NCAM2: variants seen among roughly 807,000 people sequenced by gnomAD.
NCAM2 encodes the protein neural cell adhesion molecule 2, also known as N-CAM-2.
In NCAM2, 30 loss-of-function variants were observed where a neutral mutation model predicts 98.1. That is an observed-to-expected ratio of 0.31 (90% CI 0.23 to 0.41). The LOEUF (loss-of-function observed/expected upper bound fraction) is 0.41, where lower values mean the gene tolerates loss of function less well. NCAM2 is among the 10% of genes least tolerant of loss of function. NCAM2 has a pLI of 1.00. For missense variants in NCAM2, 867 were observed against 1,005.8 expected (o/e 0.86, Z 1.87); for synonymous variants, 368 against 342.4 (o/e 1.07, Z -0.83).
At chr21:21,135,650 C>G (rs1601463960) in intron 1 of NCAM2, among the ~76,000 whole-genome samples, 1 of 152,148 alleles carries the variant, frequency 6.6e-6, no homozygotes, top group East Asian at 1.9e-4. Flanking sequence ...AATGCTTGTA[C>G]TCTCACTATC....
chr21:21,217,550 G>A (rs577477758), intron 1 of NCAM2, among the ~76,000 whole-genome samples: 1 of 152,228 alleles, frequency 6.6e-6, no homozygotes, highest in East Asian at 1.9e-4. Context: ...TTCTGAAAGT[G>A]GTTTCTCAAG....
intron 1 of NCAM2, among the ~76,000 whole-genome samples, chr21:21,179,862 A>G (rs2068413173): frequency 6.6e-6 from 1 of 152,224 alleles, no homozygotes; most frequent in South Asian, 2.1e-4. Context: ...TCAGTTTTCT[A>G]TTGATGTGTA....
chr21:21,320,102 T>C (rs1231480127), intron 5 of NCAM2, among the ~76,000 whole-genome samples: 3 of 152,212 alleles, frequency 2.0e-5, no homozygotes, highest in African/African-American at 4.8e-5. Flanking sequence ...CAGTACCTTA[T>C]GGCAGTTAGG....
At chr21:21,463,955 G>C (rs908377703) in intron 12 of NCAM2, 3 of 151,816 alleles carry the variant, frequency 2.0e-5, no homozygotes, top group Non-Finnish European at 4.4e-5. Flanking sequence ...TGGTACTTTG[G>C]TAGCTCTGCT....
intron 6 of NCAM2, among the ~76,000 whole-genome samples, chr21:21,329,266 A>T (rs1268195199): frequency 1.3e-5 from 2 of 151,986 alleles, no homozygotes; most frequent in Non-Finnish European, 2.9e-5. Flanking sequence ...TTTATACCAT[A>T]TTTTTTACTG....
chr21:21,389,365 C>T (rs2076333722), intron 9 of NCAM2, among the ~76,000 whole-genome samples: 1 of 152,218 alleles, frequency 6.6e-6, no homozygotes, highest in South Asian at 2.1e-4. Flanking sequence ...AATCCCCTTC[C>T]ATGACACATG....
intron 5 of NCAM2, among the ~76,000 whole-genome samples, chr21:21,311,445 A>G (rs1003418494): frequency 6.9e-6 from 1 of 145,000 alleles, no homozygotes; most frequent in Admixed American, 7.3e-5. Flanking sequence ...GGTTCACGCC[A>G]TTCTCCTTCC....
At chr21:21,477,236 A>G (rs1352105177) in intron 14 of NCAM2, 55 bp from the exon 15 acceptor site, 2 of 1,346,908 alleles carry the variant, frequency 1.5e-6, no homozygotes, top group East Asian at 2.4e-5. Flanking sequence ...TTTTTTAAAA[A>G]GGTGTCACTT....
chr21:21,409,323 C>A (rs1461015319), intron 9 of NCAM2, among the ~76,000 whole-genome samples: 1 of 151,960 alleles, frequency 6.6e-6, no homozygotes, highest in Non-Finnish European at 1.5e-5. Context: ...TGATAGAGAT[C>A]TAGAATACAG....
chr21:21,374,081 T>C, intron 9 of NCAM2, 68 bp downstream of exon 9: 2 of 1,467,012 alleles, frequency 1.4e-6, no homozygotes, highest in Non-Finnish European at 1.9e-6. Context: ...GATTTTTCAA[T>C]AAAGACCAAA....
chr21:21,137,553 C>T (rs942012171), intron 1 of NCAM2, among the ~76,000 whole-genome samples: 1 of 152,018 alleles, frequency 6.6e-6, no homozygotes, highest in Non-Finnish European at 1.5e-5. Flanking sequence ...CTGAGGCAGG[C>T]GGATCACCTG....
rs1249415046 is a variant in NCAM2, at chr21:21,345,579, G to GA, written c.1044+7052dup. ...AAGCTACTTGAAAATACACAGAGGA[G>GA]AAAAAAAGAATAAAAAAAATGAAGC... On this transcript the variant is annotated intron_variant, in intron 8 of 17. Transcript: ENST00000400546. Among the ~76,000 whole-genome samples, 12 of 151,000 alleles carry GA rather than the reference G, an allele frequency of 7.9e-5. No homozygotes were observed. In the East Asian group the frequency reaches 2.2e-3, roughly 27 times the overall value.
intron 9 of NCAM2, among the ~76,000 whole-genome samples, chr21:21,404,178 T>C (rs1009469267): frequency 2.0e-5 from 3 of 152,174 alleles, no homozygotes; most frequent in Admixed American, 6.5e-5. Context: ...TAACTCAATA[T>C]TTCCCCTGAT....
intron 1 of NCAM2, among the ~76,000 whole-genome samples, chr21:21,154,218 T>A (rs1237869385): frequency 6.6e-6 from 1 of 151,888 alleles, no homozygotes; most frequent in Non-Finnish European, 1.5e-5. Flanking sequence ...TAAAATGACT[T>A]ATTTTATCTA....
chr21:21,365,238 CGTGT>C lies in NCAM2; in HGVS notation c.1045-8594_1045-8591del, dbSNP rs66559489. On this transcript the variant is annotated intron_variant, in intron 8 of 17. Transcript: ENST00000400546. ...GATTTGAGCTAATTATTGCTTAGTGCGTGTGTGTGTGTGTGTGTGTGTGTGTGTG... is the reference window on the plus strand; with the variant it reads ...GATTTGAGCTAATTATTGCTTAGTGCGTGTGTGTGTGTGTGTGTGTGTGTG... Among the ~76,000 whole-genome samples, 1,184 of 147,000 alleles carry C rather than the reference CGTGT, an allele frequency of 8.1e-3. 19 individuals carry two copies. The highest frequency in any genetic ancestry group is 0.024 in the African/African-American group (963 of 39,744).
intron 14 of NCAM2, among the ~76,000 whole-genome samples, chr21:21,476,387 A>G (rs1985171539): frequency 6.6e-6 from 1 of 151,954 alleles, no homozygotes; most frequent in East Asian, 1.9e-4. Flanking sequence ...CAACTTACTC[A>G]ATTTTCCTCA....
intron 1 of NCAM2, among the ~76,000 whole-genome samples, chr21:21,157,521 T>G (rs1252952994): frequency 6.6e-6 from 1 of 152,158 alleles, no homozygotes; most frequent in Non-Finnish European, 1.5e-5. Flanking sequence ...ATATAAAATT[T>G]TAGAAAGTAA....
chr21:21,467,382 TTATATA>T (rs34963977), intron 13 of NCAM2, among the ~76,000 whole-genome samples: 1 of 143,744 alleles, frequency 7.0e-6, no homozygotes, highest in Non-Finnish European at 1.5e-5. Flanking sequence ...ATATATATCT[TTATATA>T]TATATATATA....
At chr21:21,139,816 A>C (rs2067130613) in intron 1 of NCAM2, among the ~76,000 whole-genome samples, 1 of 152,142 alleles carries the variant, frequency 6.6e-6, no homozygotes, top group African/African-American at 2.4e-5. Flanking sequence ...AAAATACTTA[A>C]TACCATTATT....
Sources: allele counts gnomAD v4.1 joint callset (sites outside exome capture counted in the v4.1 genomes callset), GRCh38; gene constraint gnomAD v4.1.1; transcripts MANE v1.5; gene names NCBI Gene and HGNC (gene_info 2026-07-23, HGNC 2026-07-21).